TRHDE: variants seen among roughly 807,000 people sequenced by gnomAD.
TRHDE encodes thyrotropin releasing hormone degrading enzyme.
Under a neutral mutation model 125.7 loss-of-function variants are expected in TRHDE, and 72 were observed. That is an observed-to-expected ratio of 0.57 (90% CI 0.47 to 0.70). The LOEUF (loss-of-function observed/expected upper bound fraction) is 0.70. Ranked by LOEUF, TRHDE falls within the 30% of genes least tolerant of loss-of-function variation. TRHDE has a pLI of 0.00. For synonymous variants in TRHDE, 509 were observed against 509.1 expected, an observed-to-expected ratio of 1.00 and a Z score of 0.00; for missense variants, 1,110 against 1,327.1, an observed-to-expected ratio of 0.84 and a Z score of 2.54.
chr12:72,663,367 T>G lies in TRHDE; in HGVS notation c.*172T>G. The G allele has an allele frequency of 2.0e-6, 1 of 496,914 alleles. No individual in the cohort carries two copies. Among genetic ancestry groups the G allele is most frequent in the Non-Finnish European group, 3.5e-6 (1 of 287,788 alleles). The allele number at this position is 496,914 out of a possible 1,614,324, so 30.8% of individuals were successfully genotyped here. On this transcript the variant is annotated 3_prime_UTR_variant, in exon 19 of 19. Coordinates refer to ENST00000261180, the MANE Select transcript of TRHDE (RefSeq NM_013381.3). ...TTGGTTTTGGGGGATATTTTTTATT[T>G]GTTTCATTCATTCTGTTCTGTTTCT... is the stretch of plus-strand genomic sequence containing the variant.
intron 2 of TRHDE, among the ~76,000 whole-genome samples, chr12:72,319,124 G>A (rs2135708206): frequency 6.6e-6 from 1 of 152,286 alleles, no homozygotes; most frequent in South Asian, 2.1e-4. Context: ...AAAAGCACAT[G>A]TCAGGGGAGA....
rs796315571 is a variant in TRHDE at position 72,580,943 on chromosome 12, G to A, written c.2321+5401G>A. Among the ~76,000 whole-genome samples, 3 of 152,246 alleles carry A rather than the reference G, an allele frequency of 2.0e-5. No individual in the cohort carries two copies. The South Asian group carries it at 6.2e-4, about 32-fold the overall frequency. The stretch of plus-strand genomic sequence containing the variant: ...CATTAAGGAGTAAAGAATTAGTGTG[G>A]CCTAGGAAGATTATGGAAAACATCA... On this transcript the variant is annotated intron_variant, in intron 12 of 18. Coordinates refer to ENST00000261180, the MANE Select transcript of TRHDE (RefSeq NM_013381.3).
At chr12:72,097,534 C>T (rs575256166) in intron 1 of TRHDE, among the ~76,000 whole-genome samples, 5 of 149,520 alleles carry the variant, frequency 3.3e-5, no homozygotes, top group South Asian at 2.1e-4. Flanking sequence ...ACTGCAGCCT[C>T]GACCTCCTGG....
At chr12:72,318,590 G>C (rs761608464) in intron 2 of TRHDE, among the ~76,000 whole-genome samples, 1 of 152,126 alleles carries the variant, frequency 6.6e-6, no homozygotes, top group South Asian at 2.1e-4. Flanking sequence ...CTGTGAGTGT[G>C]AGGCTAACTC....
chr12:72,555,546 G>T (rs1287333625), intron 7 of TRHDE, among the ~76,000 whole-genome samples: 2 of 151,910 alleles, frequency 1.3e-5, no homozygotes, highest in African/African-American at 4.8e-5. Flanking sequence ...TTTAATCTTT[G>T]CATAAAGCTT....
chr12:72,286,499 T>C (rs1465619634), intron 1 of TRHDE, among the ~76,000 whole-genome samples, 182 bp from the exon 2 acceptor site: 1 of 152,238 alleles, frequency 6.6e-6, no homozygotes, highest in Non-Finnish European at 1.5e-5. Context: ...AAAACTTTTA[T>C]GGTTGGGGAA....
intron 18 of TRHDE, 127 bp downstream of exon 18, chr12:72,657,135 C>G: frequency 1.6e-6 from 1 of 635,214 alleles, no homozygotes; most frequent in East Asian, 2.8e-5. Context: ...ACACCACACA[C>G]ACACACACAC....
intron 6 of TRHDE, among the ~76,000 whole-genome samples, chr12:72,501,508 T>C (rs1343700741): frequency 6.6e-6 from 1 of 152,126 alleles, no homozygotes; most frequent in Non-Finnish European, 1.5e-5. Context: ...AATTTTTTAA[T>C]GTTAGACTAT....
At chr12:72,639,214 T>C (rs1378847748) in intron 15 of TRHDE, among the ~76,000 whole-genome samples, 1 of 151,998 alleles carries the variant, frequency 6.6e-6, no homozygotes, top group Non-Finnish European at 1.5e-5. Context: ...CTTTTTATTC[T>C]TTTTTCTCTA....
intron 3 of TRHDE, among the ~76,000 whole-genome samples, chr12:72,455,702 A>G (rs1435337686): frequency 6.6e-6 from 1 of 152,152 alleles, no homozygotes; most frequent in African/African-American, 2.4e-5. Flanking sequence ...ACAGTCTGAG[A>G]TGTTAGAAGT....
chr12:72,533,724 T>G (rs1467962390), intron 6 of TRHDE, among the ~76,000 whole-genome samples: 1 of 63,100 alleles, frequency 1.6e-5, no homozygotes, highest in African/African-American at 1.9e-4. Flanking sequence ...TTTCTATTTG[T>G]TTTTTTTTTT....
intron 15 of TRHDE, among the ~76,000 whole-genome samples, chr12:72,645,303 C>A (rs966291897): frequency 6.6e-6 from 1 of 152,116 alleles, no homozygotes. Flanking sequence ...TGAAGCTGAA[C>A]AACACAATAA....
At chr12:72,207,839 T>C (rs1877700316) in intron 2 of TRHDE, among the ~76,000 whole-genome samples, 1 of 152,186 alleles carries the variant, frequency 6.6e-6, no homozygotes, top group African/African-American at 2.4e-5. Context: ...ATTTTTTCCT[T>C]CTCCCATTTT....
chr12:72,509,541 C>T (rs1878498386), intron 6 of TRHDE, among the ~76,000 whole-genome samples: 2 of 152,176 alleles, frequency 1.3e-5, no homozygotes, highest in South Asian at 4.1e-4. Flanking sequence ...AAATGTTACT[C>T]CACATAGTGT....
intron 2 of TRHDE, among the ~76,000 whole-genome samples, chr12:72,176,576 A>T (rs1876993433): frequency 6.6e-6 from 1 of 152,202 alleles, no homozygotes; most frequent in Non-Finnish European, 1.5e-5. Flanking sequence ...AAACTAATTG[A>T]GTGCATTAAT....
At chr12:72,321,428 A>C (rs764768293) in intron 2 of TRHDE, among the ~76,000 whole-genome samples, 1 of 152,176 alleles carries the variant, frequency 6.6e-6, no homozygotes, top group Non-Finnish European at 1.5e-5. Flanking sequence ...AGATACATAA[A>C]GTGGGTTAAC....
At chr12:72,447,490 G>C (rs1257791162) in intron 3 of TRHDE, among the ~76,000 whole-genome samples, 9 of 152,194 alleles carry the variant, frequency 5.9e-5, no homozygotes, top group Non-Finnish European at 1.3e-4. Flanking sequence ...TTCCAGGGCA[G>C]TATTTTGAGT....
rs1413947591 is a variant in TRHDE at position 72,446,155 on chromosome 12, T to TTC, written c.1316-23602_1316-23601insCT. On this transcript the variant is annotated intron_variant, in intron 3 of 18. Coordinates refer to ENST00000261180, the MANE Select transcript of TRHDE (RefSeq NM_013381.3). ...TGGGGCCCGATTGTGCATTTCTTTT[T>TTC]TTTTTTTTTTTTATACTTTAAGTTC... Among the ~76,000 whole-genome samples, 27 of 151,280 alleles carry TTC rather than the reference T, an allele frequency of 1.8e-4. 2 individuals carry two copies. The highest frequency in any genetic ancestry group is 5.3e-4 in the Admixed American group (8 of 15,164).
intron 3 of TRHDE, among the ~76,000 whole-genome samples, chr12:72,467,294 T>C (rs968932330): frequency 6.6e-6 from 1 of 151,626 alleles, no homozygotes; most frequent in African/African-American, 2.4e-5. Context: ...CCATGTGTTC[T>C]CATTGTTCAA....
Sources: gnomAD v4.1 joint callset for allele counts (sites outside exome capture counted in the v4.1 genomes callset) on GRCh38, gnomAD v4.1.1 for gene constraint, MANE v1.5 for transcripts, NCBI Gene and HGNC (gene_info 2026-07-23, HGNC 2026-07-21) for gene names.